Variants in INSC observed in about 807,000 individuals in gnomAD.
INSC encodes protein inscuteable homolog.
INSC carries 67 observed loss-of-function variants against 58.6 expected under a neutral mutation model. The ratio of observed to expected loss-of-function variants is 1.14; its 90% CI spans 0.94 to 1.40. The LOEUF is 1.40. Among genes scored for constraint, INSC ranks in the 40% most tolerant of loss-of-function variants. INSC has a pLI of 0.00. For missense variants in INSC, 714 were observed against 692.0 expected, an observed-to-expected ratio of 1.03 and a Z score of -0.36; for synonymous variants, 262 against 276.1, an observed-to-expected ratio of 0.95 and a Z score of 0.51.
chr11:15,179,317 T>C (rs898453955), intron 5 of INSC, among the ~76,000 whole-genome samples: 3 of 152,258 alleles, frequency 2.0e-5, no homozygotes, highest in African/African-American at 7.2e-5. Flanking sequence ...CATAAGGTTT[T>C]CATTATGAAA....
In INSC at chr11:15,150,740, C is replaced by T. The variant is rs1011868970; in HGVS notation, c.56+1510C>T. On this transcript the variant is annotated intron_variant, in intron 2 of 12. Transcript: ENST00000379556. ...AGTGGTCTGACAGGGTGTGGTGGTT[C>T]TCAGCTCTGTATCTGAGTCTCCTGG... 7.2e-5 allele frequency among the ~76,000 whole-genome samples: 11 copies of T among 152,244 alleles called. No individual in the cohort carries two copies. The South Asian group carries it at 2.3e-3, about 32-fold the overall frequency.
chr11:15,230,430 A>G (rs1208887074), intron 9 of INSC, among the ~76,000 whole-genome samples: 1 of 151,938 alleles, frequency 6.6e-6, no homozygotes, highest in Admixed American at 6.5e-5. Flanking sequence ...TTCAACAAGA[A>G]CTCACTCACT....
At chr11:15,198,136 C>G (rs996470453) in intron 6 of INSC, among the ~76,000 whole-genome samples, 13 of 152,172 alleles carry the variant, frequency 8.5e-5, no homozygotes, top group Admixed American at 3.3e-4. Flanking sequence ...ATATAAGACA[C>G]TCTTATAATC....
At chr11:15,121,905 T>C (rs4756793) in intron 1 of INSC, among the ~76,000 whole-genome samples, 144,877 of 152,240 alleles carry the variant, frequency 0.95, 69,365 homozygotes, top group East Asian at 1. Flanking sequence ...TTGATGCATC[T>C]CCATGATTCT....
chr11:15,213,941 A>G (rs1481692666), intron 7 of INSC, among the ~76,000 whole-genome samples: 3 of 152,222 alleles, frequency 2.0e-5, no homozygotes, highest in Non-Finnish European at 4.4e-5. Flanking sequence ...TCACCACGCC[A>G]TAAAACAAAC....
chr11:15,134,325 C>T (rs1463713783), intron 1 of INSC, among the ~76,000 whole-genome samples: 3 of 152,072 alleles, frequency 2.0e-5, no homozygotes, highest in Non-Finnish European at 4.4e-5. Context: ...AAGCATACAT[C>T]CCAACTTTGG....
At chr11:15,242,709 A>T (rs1403185914) in intron 12 of INSC, among the ~76,000 whole-genome samples, 1 of 152,162 alleles carries the variant, frequency 6.6e-6, no homozygotes, top group African/African-American at 2.4e-5. Context: ...TTCCAAGCTT[A>T]GATCTAAATC....
intron 7 of INSC, 147 bp from the exon 8 acceptor site, chr11:15,221,330 C>A: frequency 1.1e-6 from 1 of 883,484 alleles, no homozygotes; most frequent in Non-Finnish European, 1.7e-6. Context: ...TGGATTGTCC[C>A]TGGTTCCACA....
At chr11:15,199,503 C>T (rs1242121363) in intron 6 of INSC, among the ~76,000 whole-genome samples, 1 of 152,168 alleles carries the variant, frequency 6.6e-6, no homozygotes, top group African/African-American at 2.4e-5. Flanking sequence ...CTTCTTCTTC[C>T]AATTGCCCAT....
chr11:15,237,256 T>A (rs1300010189), intron 10 of INSC, among the ~76,000 whole-genome samples: 1 of 152,174 alleles, frequency 6.6e-6, no homozygotes, highest in East Asian at 1.9e-4. Flanking sequence ...ATATAACATC[T>A]ACAATAGAAT....
At chr11:15,178,519 G>A (rs1849653759) in intron 5 of INSC, 72 bp downstream of exon 5, 28 of 1,546,782 alleles carry the variant, frequency 1.8e-5, no homozygotes, top group Non-Finnish European at 2.4e-5. Flanking sequence ...AAGAGGGGCT[G>A]AGCCAGGCTT....
chr11:15,157,650 G>A (rs192842559), intron 2 of INSC, among the ~76,000 whole-genome samples: 6 of 152,306 alleles, frequency 3.9e-5, no homozygotes, highest in African/African-American at 7.2e-5. Context: ...AGTCAGGCAA[G>A]CTATGCAATT....
At chr11:15,175,449 C>A (rs1332757823) in intron 2 of INSC, among the ~76,000 whole-genome samples, 1 of 152,146 alleles carries the variant, frequency 6.6e-6, no homozygotes, top group East Asian at 1.9e-4. Flanking sequence ...AAGCAATATT[C>A]CTGCCTCACC....
At chr11:15,148,782 A>G (rs1432851576) in intron 1 of INSC, among the ~76,000 whole-genome samples, 2 of 149,782 alleles carry the variant, frequency 1.3e-5, no homozygotes, top group East Asian at 3.9e-4. Flanking sequence ...TGAATCTCAG[A>G]TAAACCATAG....
chr11:15,115,046 T>G, intron 1 of INSC, 43 bp downstream of exon 1: 1 of 976,672 alleles, frequency 1.0e-6, no homozygotes, highest in Non-Finnish European at 1.2e-6. Flanking sequence ...GGGCTGGTGA[T>G]GCCTCTGCTA....
At chr11:15,228,641 T>C (rs1369397107) in intron 9 of INSC, among the ~76,000 whole-genome samples, 2 of 152,162 alleles carry the variant, frequency 1.3e-5, no homozygotes, top group Non-Finnish European at 2.9e-5. Flanking sequence ...CCCCCTAAAA[T>C]ACTTAGGAGA....
intron 1 of INSC, among the ~76,000 whole-genome samples, chr11:15,117,079 T>C (rs1304926717): frequency 6.6e-6 from 1 of 150,624 alleles, no homozygotes; most frequent in Non-Finnish European, 1.5e-5. Context: ...GTAGCTGGGA[T>C]TATAGACCCC....
At chr11:15,176,593 G>T (rs1036403922) in intron 3 of INSC, among the ~76,000 whole-genome samples, 2 of 152,090 alleles carry the variant, frequency 1.3e-5, no homozygotes, top group African/African-American at 4.8e-5. Flanking sequence ...GGAAACAAAA[G>T]TTCTAAGAGG....
chr11:15,147,581 TA>T (rs1848525746), intron 1 of INSC, among the ~76,000 whole-genome samples: 1 of 152,222 alleles, frequency 6.6e-6, no homozygotes, highest in Non-Finnish European at 1.5e-5. Context: ...ATCAATGTGT[TA>T]AAAATTTATC....
Sources: gnomAD v4.1 joint callset for allele counts (sites outside exome capture counted in the v4.1 genomes callset) on GRCh38, gnomAD v4.1.1 for gene constraint, MANE v1.5 for transcripts, NCBI Gene and HGNC (gene_info 2026-07-23, HGNC 2026-07-21) for gene names.